ZNF737: variants seen among roughly 807,000 people sequenced by gnomAD.
ZNF737 encodes zinc finger protein 102 (Y3).
A neutral mutation model predicts 11.7 loss-of-function variants in ZNF737; 13 were observed. The observed-to-expected ratio is 1.11, with a 90% CI of 0.73 to 1.77. The LOEUF (loss-of-function observed/expected upper bound fraction) is 1.77, where lower values mean the gene tolerates loss of function less well. Ranked by LOEUF, ZNF737 falls within the 40% of genes most tolerant of loss-of-function variation. The pLI, the probability that ZNF737 is intolerant of heterozygous loss-of-function variation, is 0.00. For missense variants in ZNF737, 636 were observed against 638.0 expected, an observed-to-expected ratio of 1.00 and a Z score of 0.03; for synonymous variants, 217 against 216.2, an observed-to-expected ratio of 1.00 and a Z score of -0.03.
chr19:20,535,466 A>G (rs1190186451), downstream of ZNF737, among the ~76,000 whole-genome samples: 6 of 152,140 alleles, frequency 3.9e-5, no homozygotes, highest in African/African-American at 1.4e-4. Flanking sequence ...AACAACATTC[A>G]TGAACCTGAA....
At chr19:20,547,411 C>T (rs1968497057) in intron 3 of ZNF737, among the ~76,000 whole-genome samples, 1 of 146,848 alleles carries the variant, frequency 6.8e-6, no homozygotes, top group Admixed American at 6.8e-5. Context: ...ACACCACCTA[C>T]AGTAACATAA....
At chr19:20,550,893 T>C (rs1968638029) in intron 3 of ZNF737, among the ~76,000 whole-genome samples, 1 of 152,208 alleles carries the variant, frequency 6.6e-6, no homozygotes, top group Non-Finnish European at 1.5e-5. Context: ...CAGACCAGGA[T>C]AGGGTTTACC....
chr19:20,556,364 A>G (rs1448423105), intron 1 of ZNF737, among the ~76,000 whole-genome samples: 6 of 152,202 alleles, frequency 3.9e-5, no homozygotes, highest in African/African-American at 1.4e-4. Context: ...CAAATTGGCC[A>G]TGTGATCCTA....
intron 3 of ZNF737, chr19:20,551,107 A>G (rs1483616879): frequency 1.3e-5 from 2 of 152,176 alleles, no homozygotes; most frequent in African/African-American, 4.8e-5. Flanking sequence ...GCCACAGTTT[A>G]TGGTCAGTTC....
intron 1 of ZNF737, among the ~76,000 whole-genome samples, chr19:20,559,622 G>A (rs1467924655): frequency 1.3e-5 from 2 of 152,168 alleles, no homozygotes; most frequent in South Asian, 2.1e-4. Context: ...CAGAGAAAAC[G>A]GAATGCTTAT....
At position 20,545,365 on chromosome 19, in the gene ZNF737, T is replaced by C; in HGVS notation, c.838A>G (p.Thr280Ala). ...SNLTTHKIIH[T>A]GEKPYKCEEC... ...TCACATTTGTAGGGTTTCTCTCCAG[T>C]ATGAATTATCTTATGTGTAGTAAGG... Residue 280 changes from threonine to alanine, a missense_variant, in exon 4 of 4, where the codon ACT becomes GCT. By Grantham distance (58) the Thr-to-Ala change is moderately conservative. Coordinates refer to ENST00000427401, the MANE Select transcript of ZNF737 (RefSeq NM_001159293.2). The C allele has an allele frequency of 6.2e-7, 1 of 1,613,932 alleles. No individual in the cohort carries two copies. The highest frequency in any genetic ancestry group is 8.5e-7 in the Non-Finnish European group (1 of 1,179,948).
At chr19:20,550,614 G>C (rs73012627) in intron 3 of ZNF737, among the ~76,000 whole-genome samples, 10,023 of 152,130 alleles carry the variant, frequency 0.066, 389 homozygotes, top group Middle Eastern at 0.17. Context: ...GAGAGAACCA[G>C]GATTATGACT....
At chr19:20,551,124 C>G (rs1208244091) in intron 3 of ZNF737, 1 of 152,180 alleles carries the variant, frequency 6.6e-6, no homozygotes, top group Non-Finnish European at 1.5e-5. Flanking sequence ...GTTCTGCCTA[C>G]ATAGAAGCCC....
chr19:20,560,424 TA>T (rs61330160), intron 1 of ZNF737, among the ~76,000 whole-genome samples: 74,994 of 149,982 alleles, frequency 0.5, 19,037 homozygotes, highest in Middle Eastern at 0.58. Context: ...CTGTGGCCAT[TA>T]AAAAAAAAAA....
chr19:20,547,395 A>AAC (rs1245678610), intron 3 of ZNF737, among the ~76,000 whole-genome samples: 1 of 151,336 alleles, frequency 6.6e-6, no homozygotes, highest in Non-Finnish European at 1.5e-5. Flanking sequence ...AAAAAAAAAA[A>AAC]AAAAAACACC....
At position 20,541,969 on chromosome 19, in the gene ZNF737, T is replaced by C; in HGVS notation, c.*2623A>G. 5.2e-6 allele frequency: 5 copies of C among 955,106 alleles called. No individual in the cohort carries two copies. Among genetic ancestry groups the C allele is most frequent in the Non-Finnish European group, 5.0e-6 (4 of 802,600 alleles). 59.2% of individuals were successfully genotyped at this position (955,106 alleles called of 1,614,324 possible). On this transcript the variant is annotated 3_prime_UTR_variant, in exon 4 of 4. Transcript: ENST00000427401. ...TATACACATATTATATACCCACGAATACAAATAAAAAATTTAAATAATAAA... is the reference window on the plus strand; with the variant it reads ...TATACACATATTATATACCCACGAACACAAATAAAAAATTTAAATAATAAA...
the ZNF737 span, among the ~76,000 whole-genome samples, chr19:20,530,353 C>CG: frequency 7.2e-6 from 1 of 139,662 alleles, no homozygotes; most frequent in Admixed American, 7.0e-5. Flanking sequence ...GCTGGCCGGG[C>CG]GGGGGGCTGA....
rs782093234 is a variant in ZNF737 at position 20,544,854 on chromosome 19, T to G, written c.1349A>C (p.Glu450Ala). Residue 450 changes from glutamate to alanine, a missense_variant, in exon 4 of 4, where the codon GAG (glutamate) becomes GCG (alanine). Glu to Ala is a moderately radical substitution (Grantham distance 107). Coordinates refer to ENST00000427401, the MANE Select transcript of ZNF737 (RefSeq NM_001159293.2). ...ACATTCTTCACATTTGTAGGGTTTC[T>G]CTCCAGTATGAATTCTCTTATGTGT... ...LTTHKRIHTG[E>A]KPYKCEECGK... 30 of 1,613,864 alleles carry G rather than the reference T, an allele frequency of 1.9e-5. No homozygotes were observed. The highest frequency in any genetic ancestry group is 2.5e-5 in the Non-Finnish European group (30 of 1,179,914).
In ZNF737 at chr19:20,538,464, A is replaced by G. The variant is rs1290149696; in HGVS notation, c.*6128T>C. On this transcript the variant is annotated 3_prime_UTR_variant, in exon 4 of 4. Coordinates refer to ENST00000427401, the MANE Select transcript of ZNF737 (RefSeq NM_001159293.2). ...AGAATGTGAGGTCCCATTCCAGCCA[A>G]TGAAAACCAGACACAGCAGTAGGGT... Among the ~76,000 whole-genome samples, 4 of 152,338 alleles carry G rather than the reference A, an allele frequency of 2.6e-5. No individual in the cohort carries two copies. Among genetic ancestry groups the G allele is most frequent in the African/African-American group, 7.2e-5 (3 of 41,576 alleles).
At chr19:20,552,387 CA>C (rs1968711370) in intron 3 of ZNF737, 87 bp downstream of exon 3, 1 of 919,714 alleles carries the variant, frequency 1.1e-6, no homozygotes, top group Admixed American at 3.2e-5. Context: ...CACAGCTTCC[CA>C]AATCACACTT....
intron 3 of ZNF737, among the ~76,000 whole-genome samples, chr19:20,548,746 T>C (rs1452471600): frequency 8.8e-6 from 1 of 114,284 alleles, no homozygotes; most frequent in African/African-American, 3.1e-5. Flanking sequence ...CTGGCTATTA[T>C]TATTATTATT....
In ZNF737 at chr19:20,545,876, G is replaced by T. The variant is rs1555756928; in HGVS notation, c.327C>A (p.Asp109Glu). 3.1e-6 allele frequency: 5 copies of T among 1,613,006 alleles called. No homozygotes were observed. The highest frequency in any genetic ancestry group is 1.7e-5 in the Admixed American group (1 of 59,854). The stretch of plus-strand genomic sequence containing the variant: ...CACAGCCCTTTTTAAACTGTAAATT[G>T]TCATGTCCATAGTTTTCATATCTTC... ...TLRRYENYGHDNLQFKKGCES... is the reference protein window; with the variant it reads ...TLRRYENYGHENLQFKKGCES... Residue 109 changes from aspartate to glutamate, a missense_variant, in exon 4 of 4, where the codon GAC (aspartate) becomes GAA (glutamate). By Grantham distance (45) the Asp-to-Glu change is conservative. Transcript: ENST00000427401.
chr19:20,555,469 A>G (rs1472811434), intron 1 of ZNF737, among the ~76,000 whole-genome samples: 2 of 152,222 alleles, frequency 1.3e-5, no homozygotes, highest in Non-Finnish European at 2.9e-5. Context: ...GGCATGAGCC[A>G]CTGCACCCGG....
Position 20,545,142 on chromosome 19 carries a change from G to A in ZNF737, c.1061C>T (p.Ser354Leu). 2 of 1,611,472 alleles carry A rather than the reference G, an allele frequency of 1.2e-6. No individual in the cohort carries two copies. The highest frequency in any genetic ancestry group is 1.7e-6 in the Non-Finnish European group (2 of 1,178,646). ...AATTATCTTGTGTGTAGTAAGGGAT[G>A]AGAAGTACTTAAAGGCTCTGCCACA... ...EECGRAFKYF[S>L]SLTTHKIIHS... Residue 354 changes from serine (S) to leucine (L), a missense_variant, in exon 4 of 4, where the codon TCA becomes TTA. Transcript: ENST00000427401.
Sources: gnomAD v4.1 joint callset for allele counts (sites outside exome capture counted in the v4.1 genomes callset) on GRCh38, gnomAD v4.1.1 for gene constraint, MANE v1.5 for transcripts, NCBI Gene and HGNC (gene_info 2026-07-23, HGNC 2026-07-21) for gene names.